The following MIER2 variants were observed in gnomAD, a reference collection of about 807,000 sequenced individuals.
MIER2 encodes the protein mesoderm induction early response protein 2.
In MIER2, 30 loss-of-function variants were observed where a neutral mutation model predicts 67.6. The ratio of observed to expected loss-of-function variants is 0.44; its 90% confidence interval spans 0.33 to 0.60. The LOEUF (loss-of-function observed/expected upper bound fraction) is 0.60, where lower values mean the gene tolerates loss of function less well. MIER2 is among the 20% of genes least tolerant of loss of function. The pLI, the probability that MIER2 is intolerant of heterozygous loss-of-function variation, is 0.02. For missense variants in MIER2, 702 were observed against 745.1 expected (o/e 0.94, Z 0.67); for synonymous variants, 372 against 312.6 (o/e 1.19, Z -2.00).
rs1253594313 is a variant in MIER2 at position 311,927 on chromosome 19, G to A, written c.902C>T (p.Ala301Val). 3 of 1,613,992 alleles carry A rather than the reference G, an allele frequency of 1.9e-6. No individual in the cohort carries two copies. The highest frequency in any genetic ancestry group is 2.5e-6 in the Non-Finnish European group (3 of 1,179,924). The change falls in exon 10 of 14, where the codon GCT becomes GTT. Residue 301 changes from alanine (A) to valine (V), a missense_variant. Transcript: ENST00000264819. ...NVKVIRDGLCAWSEEECRNFE... is the reference protein window; with the variant it reads ...NVKVIRDGLCVWSEEECRNFE... The stretch of plus-strand genomic sequence containing the variant: ...GTTCCTGCACTCCTCTTCACTCCAA[G>A]CACAGAGCCCATCTGCAAACACGGC...
intron 7 of MIER2, 121 bp downstream of exon 7, chr19:325,514 A>G (rs73916894): frequency 0.098 from 110,582 of 1,131,692 alleles, 6,989 homozygotes; most frequent in African/African-American, 0.25. Context: ...CCACAGGCTC[A>G]GCTGCCCCAG....
At chr19:344,728 G>C (rs1057386263) in intron 1 of MIER2, 46 bp downstream of exon 1, 5 of 1,133,754 alleles carry the variant, frequency 4.4e-6, no homozygotes, top group Non-Finnish European at 5.4e-6. Context: ...CGGGGGGCGC[G>C]GACGCGCGGG....
chr19:326,481 G>C (rs4897949), intron 6 of MIER2, 26 bp downstream of exon 6: 1 of 1,597,068 alleles, frequency 6.3e-7, no homozygotes, highest in Non-Finnish European at 8.6e-7. Flanking sequence ...GGGATGCCAG[G>C]TTGGGGAGAT....
Position 306,463 on chromosome 19 carries a change from T to A in MIER2, c.*227A>T, listed in dbSNP as rs1970653431. On this transcript the variant is annotated 3_prime_UTR_variant, in exon 14 of 14. Transcript: ENST00000264819. ...GCAGCGGCCCGGACCCGGGTGGCAG[T>A]GCCGGGCGCTGACGGCGCTGGGTGG... 16 of 633,162 alleles carry A rather than the reference T, an allele frequency of 2.5e-5. No individual in the cohort carries two copies. In the South Asian group the frequency reaches 3.2e-4, roughly 13 times the overall value. The allele number at this position is 633,162 out of a possible 1,614,324, so 39.2% of individuals were successfully genotyped here. A position where few individuals can be genotyped will look rare whatever the true frequency, so the allele number is the denominator to read the frequency against.
chr19:314,162 C>A (rs1971136308), intron 7 of MIER2, among the ~76,000 whole-genome samples: 1 of 152,226 alleles, frequency 6.6e-6, no homozygotes, highest in Admixed American at 6.5e-5. Flanking sequence ...GGAGCCCCCA[C>A]AGTTAGGCAC....
Position 308,927 on chromosome 19 carries a change from T to A in MIER2, c.985-2A>T. On this transcript the variant is annotated splice_acceptor_variant, in intron 10 of 13. Transcript: ENST00000264819. LOFTEE classifies it high-confidence loss of function. The surrounding 1 kb of genome is among the most constrained non-coding windows in gnomAD (Gnocchi z 9.1). ...CTCGCCCACTGACCGTGTGCGCACCTGCGGGGAGGGGTCAGGAGCCATCTC... is the reference window on the plus strand; with the variant it reads ...CTCGCCCACTGACCGTGTGCGCACCAGCGGGGAGGGGTCAGGAGCCATCTC... 1 of 1,599,550 alleles carries A rather than the reference T, an allele frequency of 6.3e-7. No individual in the cohort carries two copies. The highest frequency in any genetic ancestry group is 8.6e-7 in the Non-Finnish European group (1 of 1,169,162).
At chr19:320,464 T>C (rs2145426134) in intron 7 of MIER2, among the ~76,000 whole-genome samples, 1 of 152,144 alleles carries the variant, frequency 6.6e-6, no homozygotes, top group East Asian at 1.9e-4. Context: ...TAAAAATAAA[T>C]AAATAAAATT....
At chr19:326,189 C>G (rs1403551993) in intron 6 of MIER2, among the ~76,000 whole-genome samples, 2 of 151,496 alleles carry the variant, frequency 1.3e-5, no homozygotes, top group Admixed American at 6.6e-5. Flanking sequence ...GGCTGGGATG[C>G]CAGGTTGGAG....
chr19:324,197 G>A (rs1971627795), intron 7 of MIER2, among the ~76,000 whole-genome samples: 1 of 142,960 alleles, frequency 7.0e-6, no homozygotes, highest in Admixed American at 7.1e-5. Context: ...CAACCACGCA[G>A]ACGACTCGAA....
intron 3 of MIER2, among the ~76,000 whole-genome samples, chr19:328,773 T>C (rs1371741175): frequency 6.6e-6 from 1 of 152,064 alleles, no homozygotes; most frequent in African/African-American, 2.4e-5. Context: ...AAGAAAACTA[T>C]GTAAACGGAT....
intron 7 of MIER2, among the ~76,000 whole-genome samples, chr19:317,520 C>T (rs1027507759): frequency 8.5e-6 from 1 of 117,958 alleles, no homozygotes; most frequent in African/African-American, 3.4e-5. Flanking sequence ...AAGCGAGACT[C>T]TGTCTCAGAA....
intron 7 of MIER2, among the ~76,000 whole-genome samples, chr19:325,146 C>T (rs1055049725): frequency 1.2e-4 from 18 of 152,242 alleles, no homozygotes; most frequent in African/African-American, 3.9e-4. Flanking sequence ...CGTGACTCCA[C>T]GCCTCAAAGG....
Position 325,577 on chromosome 19 carries a change from G to C in MIER2, c.655+58C>G, listed in dbSNP as rs939477787. ...AGACTGTCCAAGGATCTGACGTCCA[G>C]CCAGGCCACTCCCCTTGCAGAAGTG... is the stretch of plus-strand genomic sequence containing the variant. On this transcript the variant is annotated intron_variant, in intron 7 of 13. Coordinates refer to ENST00000264819, the MANE Select transcript of MIER2 (RefSeq NM_017550.3). 3.1e-6 allele frequency: 5 copies of C among 1,594,008 alleles called. No homozygotes were observed. In the Admixed American group the frequency reaches 6.7e-5, roughly 21 times the overall value.
chr19:331,497 C>T (rs566860667), intron 3 of MIER2, among the ~76,000 whole-genome samples: 17 of 152,070 alleles, frequency 1.1e-4, no homozygotes, highest in African/African-American at 4.1e-4. Flanking sequence ...GCAAGAACTC[C>T]ACAAAGAAAT....
chr19:344,141 G>A lies in MIER2; in HGVS notation c.9+633C>T, dbSNP rs1234708042. ...GTAACTTCGTGCCCGGGAGAGGCTG[G>A]TCCAACTCTTCTGAGATCAGCCCCG... On this transcript the variant is annotated intron_variant, in intron 1 of 13. Coordinates refer to ENST00000264819, the MANE Select transcript of MIER2 (RefSeq NM_017550.3). 6.1e-6 allele frequency: 6 copies of A among 985,332 alleles called. No homozygotes were observed. The East Asian group carries it at 6.8e-4, about 112-fold the overall frequency. 61.0% of individuals were successfully genotyped at this position (985,332 alleles called of 1,614,324 possible).
intron 7 of MIER2, among the ~76,000 whole-genome samples, chr19:319,055 C>A (rs371098408): frequency 1.3e-3 from 164 of 129,666 alleles, no homozygotes; most frequent in African/African-American, 1.7e-3. Flanking sequence ...GACTCTGTCT[C>A]AAAAAAAAAA....
At chr19:327,112 T>G in intron 5 of MIER2, 21 bp downstream of exon 5, 1 of 1,567,826 alleles carries the variant, frequency 6.4e-7, no homozygotes, top group Non-Finnish European at 8.6e-7. Flanking sequence ...TGCGGTGGAG[T>G]ATGGGGACAG....
At chr19:325,085 G>A (rs180916255) in intron 7 of MIER2, among the ~76,000 whole-genome samples, 1 of 152,356 alleles carries the variant, frequency 6.6e-6, no homozygotes. Context: ...CACTGGCCCA[G>A]GGCCTGCAAG....
intron 1 of MIER2, among the ~76,000 whole-genome samples, chr19:341,276 C>A (rs1245688370): frequency 6.6e-6 from 1 of 152,132 alleles, no homozygotes; most frequent in Non-Finnish European, 1.5e-5. Flanking sequence ...CCAGTCTGGA[C>A]GGCAAGTTGA....
Sources: allele counts gnomAD v4.1 joint callset (sites outside exome capture counted in the v4.1 genomes callset), GRCh38; gene constraint gnomAD v4.1.1; non-coding constraint Gnocchi (gnomAD v3.1); transcripts MANE v1.5; gene names NCBI Gene and HGNC (gene_info 2026-07-23, HGNC 2026-07-21).